Variants in SMCHD1 observed in about 807,000 individuals in gnomAD.
SMCHD1 encodes the protein structural maintenance of chromosomes flexible hinge domain-containing protein 1.
A neutral mutation model predicts 254.7 loss-of-function variants in SMCHD1; 78 were observed. The ratio of observed to expected loss-of-function variants is 0.31; its 90% confidence interval spans 0.26 to 0.37. SMCHD1 has a LOEUF of 0.37. SMCHD1 is among the 10% of genes least tolerant of loss of function. The probability of loss-of-function intolerance (pLI) is 1.00; values close to 1 mark genes in which losing one functional copy is unlikely to be tolerated. For synonymous variants in SMCHD1, 766 were observed against 794.9 expected (o/e 0.96, Z 0.61); for missense variants, 1,840 against 2,408.1 (o/e 0.76, Z 4.94).
At chr18:2,737,864 A>G (rs2075279582) in intron 25 of SMCHD1, among the ~76,000 whole-genome samples, 1 of 152,232 alleles carries the variant, frequency 6.6e-6, no homozygotes, top group Admixed American at 6.5e-5. Flanking sequence ...TTGAAAAAGT[A>G]TGGATTAAGT....
In SMCHD1 at chr18:2,760,480, C is replaced by A. The variant is rs1251480049; in HGVS notation, c.4347-172C>A. 1.3e-5 allele frequency: 7 copies of A among 523,936 alleles called. No homozygotes were observed. The African/African-American group carries it at 1.4e-4, about 10-fold the overall frequency. 32.5% of individuals were successfully genotyped at this position (523,936 alleles called of 1,614,324 possible). On this transcript the variant is annotated intron_variant, in intron 34 of 47. Transcript: ENST00000320876. The stretch of plus-strand genomic sequence containing the variant: ...TAAAAGAATGTACAGGTAAGAGGAA[C>A]CTGGGAGTAAGCAAGAAATATTTGT...
intron 40 of SMCHD1, among the ~76,000 whole-genome samples, 160 bp from the exon 41 acceptor site, chr18:2,772,090 G>A (rs1296912601): frequency 1.3e-5 from 2 of 151,588 alleles, no homozygotes; most frequent in African/African-American, 4.8e-5. Flanking sequence ...TTTTCTTTGT[G>A]TGTGTGTGTA....
At chr18:2,667,203 T>A (rs750859585) in intron 3 of SMCHD1, among the ~76,000 whole-genome samples, 172 bp downstream of exon 3, 5 of 152,156 alleles carry the variant, frequency 3.3e-5, no homozygotes, top group Non-Finnish European at 7.4e-5. Flanking sequence ...TCTACCTGTG[T>A]CATCTTCAGT....
intron 45 of SMCHD1, 55 bp from the exon 46 acceptor site, chr18:2,795,884 TCCCCTAAAAC>T: frequency 7.1e-7 from 1 of 1,409,330 alleles, no homozygotes; most frequent in African/African-American, 1.5e-5. Flanking sequence ...GCTCATTTTT[TCCCCTAAAAC>T]ATGAGTTTGG....
intron 8 of SMCHD1, among the ~76,000 whole-genome samples, chr18:2,695,586 A>T (rs2509460): frequency 6.6e-6 from 1 of 152,054 alleles, no homozygotes; most frequent in African/African-American, 2.4e-5. Context: ...CTGGGATTAC[A>T]GGCGTGAGCC....
At chr18:2,663,961 C>T (rs2073366556) in intron 1 of SMCHD1, among the ~76,000 whole-genome samples, 5 of 152,074 alleles carry the variant, frequency 3.3e-5, no homozygotes, top group South Asian at 2.1e-4. Context: ...GTGATCCACC[C>T]TCCTCAGCCT....
In SMCHD1 at chr18:2,693,599, C is replaced by T. The variant is rs144966109; in HGVS notation, c.874-928C>T. On this transcript the variant is annotated intron_variant, in intron 7 of 47. Coordinates refer to ENST00000320876, the MANE Select transcript of SMCHD1 (RefSeq NM_015295.3). Reference sequence around the variant, plus strand: ...GACTGTATATGAATACACACACAAACGCGCATGCGTGCATACCATGTTTTT... The same window carrying T: ...GACTGTATATGAATACACACACAAATGCGCATGCGTGCATACCATGTTTTT... Among the ~76,000 whole-genome samples, 72 of 152,184 alleles carry T rather than the reference C, an allele frequency of 4.7e-4. No individual in the cohort carries two copies. In the East Asian group the frequency reaches 0.011, roughly 23 times the overall value.
chr18:2,719,480 G>A (rs868257193), intron 19 of SMCHD1, among the ~76,000 whole-genome samples: 6 of 151,820 alleles, frequency 4.0e-5, no homozygotes, highest in African/African-American at 1.5e-4. Flanking sequence ...TGTATTTTTA[G>A]TAGAGATGGT....
intron 34 of SMCHD1, chr18:2,752,986 G>C (rs1395057245): frequency 5.7e-6 from 1 of 174,552 alleles, no homozygotes; most frequent in Admixed American, 6.4e-5. Context: ...GGGTCAAAAT[G>C]CTCATTATAT....
intron 1 of SMCHD1, 95 bp from the exon 2 acceptor site, chr18:2,666,062 A>G (rs1296583798): frequency 3.2e-6 from 2 of 616,634 alleles, no homozygotes; most frequent in Non-Finnish European, 5.6e-6. Flanking sequence ...TTACAGAATT[A>G]TAATGTACTA....
At chr18:2,758,773 G>A (rs2075728706) in intron 34 of SMCHD1, among the ~76,000 whole-genome samples, 1 of 151,998 alleles carries the variant, frequency 6.6e-6, no homozygotes, top group Admixed American at 6.6e-5. Flanking sequence ...TCCCTCCTTT[G>A]GTTATTTTGT....
chr18:2,705,927 TTG>T (rs1182010706), intron 14 of SMCHD1, 120 bp downstream of exon 14: 2 of 560,054 alleles, frequency 3.6e-6, no homozygotes, highest in African/African-American at 3.8e-5. Flanking sequence ...GTTGTAGTTT[TTG>T]TGTGGATTTT....
At chr18:2,749,908 AAATTT>A in intron 30 of SMCHD1, 130 bp from the exon 31 acceptor site, 1 of 723,424 alleles carries the variant, frequency 1.4e-6, no homozygotes, top group East Asian at 2.8e-5. Flanking sequence ...CAGATTTTTA[AAATTT>A]AGATTTTAGA....
chr18:2,739,545 C>T, intron 27 of SMCHD1, 25 bp downstream of exon 27: 2 of 1,564,002 alleles, frequency 1.3e-6, no homozygotes, highest in Non-Finnish European at 1.7e-6. Context: ...CTTTAAAAAA[C>T]AAACAACAAA....
chr18:2,686,821 G>T (rs141020997), intron 5 of SMCHD1, among the ~76,000 whole-genome samples: 15 of 152,190 alleles, frequency 9.9e-5, no homozygotes, highest in Admixed American at 9.2e-4. Context: ...GTCCTACCTG[G>T]TCAATGTTGT....
chr18:2,793,364 G>A (rs4797084), intron 45 of SMCHD1, among the ~76,000 whole-genome samples: 44 of 152,094 alleles, frequency 2.9e-4, no homozygotes, highest in Non-Finnish European at 5.4e-4. Flanking sequence ...TTTTATGTAC[G>A]TAGAAAACAT....
intron 41 of SMCHD1, 30 bp from the exon 42 acceptor site, chr18:2,775,704 A>G (rs1380297245): frequency 6.4e-7 from 1 of 1,570,768 alleles, no homozygotes; most frequent in Non-Finnish European, 8.6e-7. Context: ...TGGATTTTAT[A>G]TTTTTTTACT....
intron 37 of SMCHD1, among the ~76,000 whole-genome samples, chr18:2,767,257 C>CA (rs199548188): frequency 0.39 from 51,113 of 130,716 alleles, 9,985 homozygotes; most frequent in Non-Finnish European, 0.49. Flanking sequence ...GACCCTGTCT[C>CA]AAAAAAAAAA....
At chr18:2,677,723 C>CTCAAGTGA (rs888743894) in intron 5 of SMCHD1, among the ~76,000 whole-genome samples, 43 of 152,150 alleles carry the variant, frequency 2.8e-4, no homozygotes, top group African/African-American at 1.0e-3. Flanking sequence ...GCCTCTTGGG[C>CTCAAGTGA]TCAAGTGATC....
Sources: allele counts gnomAD v4.1 joint callset (sites outside exome capture counted in the v4.1 genomes callset), GRCh38; gene constraint gnomAD v4.1.1; transcripts MANE v1.5; gene names NCBI Gene and HGNC (gene_info 2026-07-23, HGNC 2026-07-21).